The following PCDH7 variants were observed in gnomAD, a reference collection of about 807,000 sequenced individuals.
PCDH7 encodes the protein protocadherin-7.
In PCDH7, 17 loss-of-function variants were observed where a neutral mutation model predicts 58.9. That is an observed-to-expected ratio of 0.29 (90% CI 0.20 to 0.43). PCDH7 has a LOEUF of 0.43. PCDH7 is among the 20% of genes least tolerant of loss of function. PCDH7 has a pLI of 1.00. For missense variants in PCDH7, 1,274 were observed against 1,441.0 expected (o/e 0.88, Z 1.88); for synonymous variants, 664 against 616.4 (o/e 1.08, Z -1.14).
At chr4:30,787,651 T>TA (rs1723590251) in intron 1 of PCDH7, among the ~76,000 whole-genome samples, 1 of 152,100 alleles carries the variant, frequency 6.6e-6, no homozygotes, top group African/African-American at 2.4e-5. Flanking sequence ...AGAGGGCCTT[T>TA]TTAAATTTAT....
chr4:31,099,222 C>G (rs879483145), intron 3 of PCDH7, among the ~76,000 whole-genome samples: 3 of 152,236 alleles, frequency 2.0e-5, no homozygotes, highest in African/African-American at 7.2e-5. Context: ...GTTACACAGC[C>G]AGAAAGGGGG....
chr4:31,111,376 C>T lies in PCDH7; in HGVS notation c.*8-31097C>T, dbSNP rs549430143. 2.6e-5 allele frequency among the ~76,000 whole-genome samples: 4 copies of T among 151,164 alleles called. No individual in the cohort carries two copies. The South Asian group carries it at 6.3e-4, about 24-fold the overall frequency. On this transcript the variant is annotated intron_variant, in intron 3 of 3. Coordinates refer to the PCDH7 transcript ENST00000509759. ...GGGCTAGAGTGCAATGGTGCCACCTCGGCTCACTGCAACCTCAGCCTCCCA... is the reference window on the plus strand; with the variant it reads ...GGGCTAGAGTGCAATGGTGCCACCTTGGCTCACTGCAACCTCAGCCTCCCA...
rs1027119755 is a variant in PCDH7, at chr4:30,748,630, A to G, written c.70+24034A>G. ...CTTCTAAAAGGCCCTACTACCTAAT[A>G]CTATTACAATGGCAATTAAGTTTTT... On this transcript the variant is annotated intron_variant, in intron 1 of 3. Transcript: ENST00000509759. Among the ~76,000 whole-genome samples the G allele has an allele frequency of 1.3e-5, 2 of 152,180 alleles. 1 individual carries two copies.
chr4:30,784,444 G>A (rs1366019225), intron 1 of PCDH7, among the ~76,000 whole-genome samples: 1 of 152,142 alleles, frequency 6.6e-6, no homozygotes, highest in East Asian at 1.9e-4. Flanking sequence ...TATGAAATGA[G>A]AGAGTTTCTG....
intron 3 of PCDH7, among the ~76,000 whole-genome samples, chr4:30,981,050 G>A (rs1474002502): frequency 1.3e-5 from 2 of 152,142 alleles, no homozygotes; most frequent in South Asian, 2.1e-4. Flanking sequence ...CACCATGTTG[G>A]CCAGGCTGGT....
chr4:31,081,468 C>T (rs1033288555), intron 3 of PCDH7, among the ~76,000 whole-genome samples: 2 of 152,176 alleles, frequency 1.3e-5, no homozygotes, highest in African/African-American at 4.8e-5. Flanking sequence ...AGAAACATTA[C>T]ATAACATCTT....
intron 1 of PCDH7, among the ~76,000 whole-genome samples, chr4:30,739,077 T>C (rs547771069): frequency 6.9e-6 from 1 of 144,546 alleles, no homozygotes; most frequent in East Asian, 2.5e-4. Flanking sequence ...AATAAAAATT[T>C]CCCATGATAA....
chr4:31,022,897 G>T (rs1754141383), intron 3 of PCDH7, among the ~76,000 whole-genome samples: 1 of 152,056 alleles, frequency 6.6e-6, no homozygotes, highest in Non-Finnish European at 1.5e-5. Flanking sequence ...TAAGGAAAAT[G>T]AAAATAAAAT....
At chr4:30,906,344 G>T (rs1199205729) in intron 1 of PCDH7, among the ~76,000 whole-genome samples, 1 of 152,126 alleles carries the variant, frequency 6.6e-6, no homozygotes, top group Non-Finnish European at 1.5e-5. Flanking sequence ...AGGTATTAAT[G>T]CTGAAAGATT....
chr4:30,985,267 AT>A (rs1413654224), intron 3 of PCDH7, among the ~76,000 whole-genome samples: 1 of 152,096 alleles, frequency 6.6e-6, no homozygotes, highest in Admixed American at 6.5e-5. Context: ...CTTATATTTC[AT>A]CATGCTTAGA....
intron 3 of PCDH7, among the ~76,000 whole-genome samples, chr4:31,037,000 T>C (rs1307651883): frequency 6.6e-6 from 1 of 152,050 alleles, no homozygotes; most frequent in Non-Finnish European, 1.5e-5. Context: ...TCCACCCCCC[T>C]GATTCAATTA....
chr4:30,996,819 A>T (rs1751940359), intron 3 of PCDH7, among the ~76,000 whole-genome samples: 1 of 152,214 alleles, frequency 6.6e-6, no homozygotes, highest in South Asian at 2.1e-4. Context: ...TTTACACAAA[A>T]AAGACTCAAA....
At chr4:30,880,406 G>C (rs2109370290) in intron 1 of PCDH7, among the ~76,000 whole-genome samples, 1 of 152,212 alleles carries the variant, frequency 6.6e-6, no homozygotes, top group Middle Eastern at 3.4e-3. Context: ...AGTTAAAGCA[G>C]TATGTAGAAT....
chr4:30,736,891 T>C (rs74501661), downstream of PCDH7, among the ~76,000 whole-genome samples: 6,391 of 152,252 alleles, frequency 0.042, 180 homozygotes, highest in Non-Finnish European at 0.059. Context: ...AAATCAGTTC[T>C]AGGAAGTCTG....
intron 3 of PCDH7, among the ~76,000 whole-genome samples, chr4:30,951,106 A>G (rs1747322311): frequency 6.6e-6 from 1 of 152,176 alleles, no homozygotes; most frequent in Admixed American, 6.5e-5. Flanking sequence ...CCTTTGGGCT[A>G]GGAAGATTCC....
intron 3 of PCDH7, among the ~76,000 whole-genome samples, chr4:30,957,603 G>T (rs910550277): frequency 9.9e-5 from 15 of 152,054 alleles, no homozygotes; most frequent in Non-Finnish European, 1.5e-4. Context: ...GTTTTAAAAG[G>T]TGTTTTGGAT....
chr4:30,911,478 A>G (rs763230124), intron 1 of PCDH7, among the ~76,000 whole-genome samples: 1 of 152,214 alleles, frequency 6.6e-6, no homozygotes, highest in Non-Finnish European at 1.5e-5. Flanking sequence ...GGCATATTAC[A>G]GAAAAAGTTT....
intron 1 of PCDH7, among the ~76,000 whole-genome samples, chr4:30,897,166 A>G (rs1739554667): frequency 6.6e-6 from 1 of 151,510 alleles, no homozygotes; most frequent in Admixed American, 6.6e-5. Context: ...GGCCTCCCAA[A>G]GTGCTGGGAT....
rs367744566 is a variant in PCDH7, at chr4:31,097,916, T to C, written c.*8-44557T>C. 3.9e-5 allele frequency among the ~76,000 whole-genome samples: 6 copies of C among 152,146 alleles called. No homozygotes were observed. In the East Asian group the frequency reaches 1.2e-3, roughly 30 times the overall value. On this transcript the variant is annotated intron_variant, in intron 3 of 3. Transcript: ENST00000509759. ...AAAGATGTAGGCCACTGTTATTTTA[T>C]CCTTTCTAAGGAAATATTTACATGC...
Sources: allele counts gnomAD v4.1 joint callset (sites outside exome capture counted in the v4.1 genomes callset), GRCh38; gene constraint gnomAD v4.1.1; transcripts MANE v1.5; gene names NCBI Gene and HGNC (gene_info 2026-07-23, HGNC 2026-07-21).